The following ITPR3 variants were observed in gnomAD, a reference collection of about 807,000 sequenced individuals.
The protein encoded by ITPR3 is inositol 1,4,5-trisphosphate-gated calcium channel ITPR3.
A neutral mutation model predicts 293.2 loss-of-function variants in ITPR3; 173 were observed. That is an observed-to-expected ratio of 0.59 (90% CI 0.52 to 0.67). The LOEUF is 0.67. ITPR3 is among the 30% of genes least tolerant of loss of function. The probability of loss-of-function intolerance (pLI) is 0.00; values close to 1 mark genes in which losing one functional copy is unlikely to be tolerated. For synonymous variants in ITPR3, 1,295 were observed against 1,444.4 expected, an observed-to-expected ratio of 0.90 and a Z score of 2.35; for missense variants, 2,796 against 3,592.1, an observed-to-expected ratio of 0.78 and a Z score of 5.66.
At position 33,638,181 on chromosome 6, in the gene ITPR3, T is replaced by A. The variant is rs541776492; in HGVS notation, c.90-2303T>A. Among the ~76,000 whole-genome samples, 3 of 152,188 alleles carry A rather than the reference T, an allele frequency of 2.0e-5. No individual in the cohort carries two copies. Among genetic ancestry groups the A allele is most frequent in the Admixed American group, 2.0e-4 (3 of 15,286 alleles). Reference sequence around the variant, plus strand: ...CCGCCACGCCCAGCTAATTTTTGTATTTTTAGTAGAGATGAGGTTTCACCA... The same window carrying A: ...CCGCCACGCCCAGCTAATTTTTGTAATTTTAGTAGAGATGAGGTTTCACCA... On this transcript the variant is annotated intron_variant, in intron 1 of 57. Coordinates refer to ENST00000605930, the MANE Select transcript of ITPR3 (RefSeq NM_002224.4). This position sits in a 1 kb window ranked among gnomAD's most constrained non-coding sequence, Gnocchi z 4.3.
In ITPR3 at chr6:33,691,758, G is replaced by A; in HGVS notation, c.7330+39G>A. 1 of 1,608,294 alleles carries A rather than the reference G, an allele frequency of 6.2e-7. No individual in the cohort carries two copies. The highest frequency in any genetic ancestry group is 1.1e-5 in the South Asian group (1 of 90,500). ...GTGTGCAGGAGTCTGTGTGGGGTAG[G>A]AGGAGCAGGCAGCCCGGGCCTCAGC... is the stretch of plus-strand genomic sequence containing the variant. On this transcript the variant is annotated intron_variant, in intron 53 of 57. Coordinates refer to ENST00000605930, the MANE Select transcript of ITPR3 (RefSeq NM_002224.4). The surrounding 1 kb of genome is among the most constrained non-coding windows in gnomAD (Gnocchi z 4.9).
chr6:33,690,377 GA>G (rs1233234540), intron 51 of ITPR3, among the ~76,000 whole-genome samples, 179 bp downstream of exon 51: 2 of 152,134 alleles, frequency 1.3e-5, no homozygotes, highest in Non-Finnish European at 2.9e-5. Flanking sequence ...TCAAGGCCCT[GA>G]TGGCCACTCC....
In ITPR3 at chr6:33,682,578, T is replaced by G. The variant is rs1196219898; in HGVS notation, c.4531T>G (p.Cys1511Gly). The change falls in exon 34 of 58, where the codon TGT becomes GGT. Residue 1511 changes from cysteine (C) to glycine (G), a missense_variant. Cys to Gly is a radical substitution (Grantham distance 159, BLOSUM62 -3). Around this residue, in one of 8 missense-constraint regions of ITPR3, gnomAD observed 704 missense variants for 797.5 expected, o/e 0.88. Coordinates refer to ENST00000605930, the MANE Select transcript of ITPR3 (RefSeq NM_002224.4). This position sits in a 1 kb window ranked among gnomAD's most constrained non-coding sequence, Gnocchi z 5.4. Reference protein sequence around the residue: ...LLQSTTRLLECPWLQQQHKGS... With the variant: ...LLQSTTRLLEGPWLQQQHKGS... The stretch of plus-strand genomic sequence containing the variant: ...GCAGTCTACCACACGCCTCCTCGAG[T>G]GTCCGTGGCTACAGCAGCAGCACAA... The G allele has an allele frequency of 1.3e-6, 2 of 1,591,588 alleles. No individual in the cohort carries two copies. The highest frequency in any genetic ancestry group is 1.7e-6 in the Non-Finnish European group (2 of 1,169,276).
Position 33,679,874 on chromosome 6 carries a change from A to G in ITPR3, c.3973-8A>G, listed in dbSNP as rs4713654. 0.68 allele frequency: 1,088,923 copies of G among 1,606,694 alleles called. 372,418 individuals are homozygous for G. Among genetic ancestry groups the G allele is most frequent in the East Asian group, 0.86 (38,538 of 44,690 alleles). Reference sequence around the variant, plus strand: ...GAGAGTGTGACACGTGCCCCCTCCCACCCGCAGCTGACCAATGCAGGTGAC... The same window carrying G: ...GAGAGTGTGACACGTGCCCCCTCCCGCCCGCAGCTGACCAATGCAGGTGAC... On this transcript the variant is annotated splice_polypyrimidine_tract_variant and splice_region_variant and intron_variant, in intron 30 of 57. Transcript: ENST00000605930. The surrounding 1 kb of genome is among the most constrained non-coding windows in gnomAD (Gnocchi z 4.2).
chr6:33,669,050 A>C lies in ITPR3; in HGVS notation c.2083A>C (p.Thr695Pro). Residue 695 changes from threonine to proline, a missense_variant, in exon 18 of 58, where the codon ACG becomes CCG. Transcript: ENST00000605930. The stretch of plus-strand genomic sequence containing the variant: ...GTACTCAGAAGAGGAAGTGTGGCTC[A>C]CGTGGACTGACAAGAATAACGAGCA... ...IEYSEEEVWL[T>P]WTDKNNEHHE... The C allele has an allele frequency of 6.2e-7, 1 of 1,614,172 alleles. No individual in the cohort carries two copies. The highest frequency in any genetic ancestry group is 8.5e-7 in the Non-Finnish European group (1 of 1,180,022).
At chr6:33,656,701 C>T (rs1051510100) in intron 3 of ITPR3, among the ~76,000 whole-genome samples, 4 of 151,770 alleles carry the variant, frequency 2.6e-5, no homozygotes, top group Admixed American at 6.6e-5. Context: ...CCCCGTTCCC[C>T]AAACCACAAA....
In ITPR3 at chr6:33,674,444, G is replaced by GGGCC. The variant is rs1206698036; in HGVS notation, c.3116+180_3116+183dup. Among the ~76,000 whole-genome samples the GGGCC allele has an allele frequency of 1.4e-4, 21 of 152,310 alleles. No homozygotes were observed. In the East Asian group the frequency reaches 3.9e-3, roughly 28 times the overall value. On this transcript the variant is annotated intron_variant, in intron 24 of 57. Transcript: ENST00000605930. ...GCCTCCCCAGTCCCAGAGATCTGGG[G>GGGCC]GGCCCTTTGGTTCCCAGTCATCCCG...
At chr6:33,678,382 T>C in intron 28 of ITPR3, 39 bp from the exon 29 acceptor site, 1 of 1,604,206 alleles carries the variant, frequency 6.2e-7, no homozygotes, top group Non-Finnish European at 8.5e-7. Flanking sequence ...CCTCCCTCCT[T>C]GGTGGGCCCA....
intron 28 of ITPR3, 66 bp from the exon 29 acceptor site, chr6:33,678,355 G>T (rs545251839): frequency 9.4e-5 from 149 of 1,589,690 alleles, no homozygotes; most frequent in Non-Finnish European, 1.2e-4. Context: ...TCCTGTCAGA[G>T]CTCAGCCAGG....
At chr6:33,668,125 C>A (rs1032073669) in intron 16 of ITPR3, among the ~76,000 whole-genome samples, 161 bp downstream of exon 16, 5 of 152,224 alleles carry the variant, frequency 3.3e-5, no homozygotes, top group African/African-American at 9.6e-5. Context: ...CCTCCCTAGC[C>A]CTTCTCTGGG....
chr6:33,641,047 G>A (rs1376600865), intron 2 of ITPR3, among the ~76,000 whole-genome samples: 1 of 152,210 alleles, frequency 6.6e-6, no homozygotes, highest in Non-Finnish European at 1.5e-5. Context: ...CTGCCCTGCA[G>A]GAGGCTCTAA....
chr6:33,646,576 C>G (rs1195433998), intron 2 of ITPR3, among the ~76,000 whole-genome samples: 1 of 152,064 alleles, frequency 6.6e-6, no homozygotes, highest in African/African-American at 2.4e-5. Flanking sequence ...AGATCTTTCT[C>G]TCTGAATATG....
chr6:33,669,452 C>T (rs1359261902), intron 18 of ITPR3, among the ~76,000 whole-genome samples: 1 of 152,238 alleles, frequency 6.6e-6, no homozygotes, highest in Non-Finnish European at 1.5e-5. Context: ...ACCAAATTAG[C>T]TAGCCATGGT....
At chr6:33,686,379 G>C (rs1015338563) in intron 42 of ITPR3, 30 bp from the exon 43 acceptor site, 2 of 1,604,400 alleles carry the variant, frequency 1.2e-6, no homozygotes, top group South Asian at 1.1e-5. Flanking sequence ...AGAGGGCCTG[G>C]GCCCTGTGTC....
chr6:33,660,841 A>C (rs779103707), intron 7 of ITPR3, among the ~76,000 whole-genome samples: 4 of 152,288 alleles, frequency 2.6e-5, no homozygotes, highest in South Asian at 2.1e-4. Context: ...AGGCAGGAGA[A>C]TCGCTTGAGC....
At chr6:33,673,340 G>T (rs1309432941) in intron 22 of ITPR3, among the ~76,000 whole-genome samples, 2 of 152,180 alleles carry the variant, frequency 1.3e-5, no homozygotes, top group African/African-American at 4.8e-5. Flanking sequence ...CATGCTGAGA[G>T]GAGGCCCTCA....
In ITPR3 at chr6:33,662,519, T is replaced by C; in HGVS notation, c.712-9T>C. On this transcript the variant is annotated splice_polypyrimidine_tract_variant and intron_variant, in intron 7 of 57. Transcript: ENST00000605930. ...GCAGCCATCCTGAGCCACACCCTGC[T>C]GCCTGCAGGGAGACGTGGTGCGGCT... 1 of 1,577,816 alleles carries C rather than the reference T, an allele frequency of 6.3e-7. No individual in the cohort carries two copies. Among genetic ancestry groups the C allele is most frequent in the Non-Finnish European group, 8.6e-7 (1 of 1,164,750 alleles).
Position 33,640,661 on chromosome 6 carries a change from G to A in ITPR3, c.160+107G>A. 4 of 928,526 alleles carry A rather than the reference G, an allele frequency of 4.3e-6. No individual in the cohort carries two copies. The South Asian group carries it at 5.0e-5, about 12-fold the overall frequency. The allele number at this position is 928,526 out of a possible 1,614,324, so 57.5% of individuals were successfully genotyped here. A position where few individuals can be genotyped will look rare whatever the true frequency, so the allele number is the denominator to read the frequency against. ...CAGCCCCAGTGGCTGGATTAGATGT[G>A]GCGCTGCCCTGCAGACCTCACTCTG... On this transcript the variant is annotated intron_variant, in intron 2 of 57. Coordinates refer to ENST00000605930, the MANE Select transcript of ITPR3 (RefSeq NM_002224.4).
At chr6:33,630,447 G>T (rs1763648854) in intron 1 of ITPR3, among the ~76,000 whole-genome samples, 1 of 152,258 alleles carries the variant, frequency 6.6e-6, no homozygotes, top group Admixed American at 6.5e-5. Context: ...CCTGGGGCTG[G>T]CAGGCCAAAT....
Sources: allele counts gnomAD v4.1 joint callset (sites outside exome capture counted in the v4.1 genomes callset), GRCh38; gene constraint gnomAD v4.1.1; regional missense constraint gnomAD v4.1.1; non-coding constraint Gnocchi (gnomAD v3.1); transcripts MANE v1.5; gene names NCBI Gene and HGNC (gene_info 2026-07-23, HGNC 2026-07-21).